The following ZNF124 variants were observed in gnomAD, a reference collection of about 807,000 sequenced individuals.
ZNF124 encodes zinc finger protein 124.
Under a neutral mutation model 26.6 loss-of-function variants are expected in ZNF124, and 25 were observed. The ratio of observed to expected loss-of-function variants is 0.94; its 90% CI spans 0.68 to 1.31. The LOEUF (loss-of-function observed/expected upper bound fraction) is 1.31, where lower values mean the gene tolerates loss of function less well. Ranked by LOEUF, ZNF124 falls within the 40% of genes most tolerant of loss-of-function variation. The pLI, the probability that ZNF124 is intolerant of heterozygous loss-of-function variation, is 0.00. For missense variants in ZNF124, 444 were observed against 422.2 expected, an observed-to-expected ratio of 1.05 and a Z score of -0.45; for synonymous variants, 129 against 133.3, an observed-to-expected ratio of 0.97 and a Z score of 0.22.
chr1:247,132,351 C>T (rs1672387343), intron 3 of ZNF124, among the ~76,000 whole-genome samples: 2 of 152,166 alleles, frequency 1.3e-5, no homozygotes, highest in South Asian at 4.1e-4. Flanking sequence ...TGAAAAAATG[C>T]TGAAAACCCA....
rs1051266304 is a variant in ZNF124 at position 247,128,849 on chromosome 1, G to C, written c.219-4978C>G. Among the ~76,000 whole-genome samples, 9 of 151,600 alleles carry C rather than the reference G, an allele frequency of 5.9e-5. 1 individual carries two copies. The highest frequency in any genetic ancestry group is 1.2e-4 in the African/African-American group (5 of 41,218). ...CAGTGGGGACACGGCGCAGTTTTCTGGGGGAGGGTGGGCATTGAGTACTTC... is the reference window on the plus strand; with the variant it reads ...CAGTGGGGACACGGCGCAGTTTTCTCGGGGAGGGTGGGCATTGAGTACTTC... On this transcript the variant is annotated intron_variant, in intron 3 of 3. Transcript: ENST00000472531.
At position 247,157,144 on chromosome 1, in the gene ZNF124, C is replaced by T. The variant is rs752543460; in HGVS notation, c.478G>A (p.Gly160Ser). Reference sequence around the variant, plus strand: ...TGTCTATTAAGAGAACGGGAAAAACCTAAGGCTTTCCCACATTCCATACAT... The same window carrying T: ...TGTCTATTAAGAGAACGGGAAAAACTTAAGGCTTTCCCACATTCCATACAT... ...YECMECGKALGFSRSLNRHKR... is the reference protein window; with the variant it reads ...YECMECGKALSFSRSLNRHKR... Residue 160 changes from glycine (G) to serine (S), a missense_variant, in exon 4 of 4, where the codon GGT becomes AGT. By Grantham distance (56) the Gly-to-Ser change is moderately conservative. Transcript: ENST00000543802. 6.2e-7 allele frequency: 1 copy of T among 1,613,216 alleles called. No individual in the cohort carries two copies. The highest frequency in any genetic ancestry group is 1.3e-5 in the African/African-American group (1 of 74,696).
At chr1:247,136,305 G>C (rs1672482318) in intron 3 of ZNF124, among the ~76,000 whole-genome samples, 1 of 152,154 alleles carries the variant, frequency 6.6e-6, no homozygotes, top group Non-Finnish European at 1.5e-5. Flanking sequence ...CAAAGTCTCA[G>C]GATACAAAAT....
rs57849068 is a variant in ZNF124, at chr1:247,168,692, T to A, written c.30+3156A>T. Reference sequence around the variant, plus strand: ...TACTCAGCCATAAAAAGGAATGAAATAATGGGCTTTGCAGCAACTTGGATG... The same window carrying A: ...TACTCAGCCATAAAAAGGAATGAAAAAATGGGCTTTGCAGCAACTTGGATG... On this transcript the variant is annotated intron_variant, in intron 1 of 3. Transcript: ENST00000543802. The surrounding 1 kb of genome is among the most constrained non-coding windows in gnomAD (Gnocchi z 4.0). Among the ~76,000 whole-genome samples, 3,899 of 152,168 alleles carry A rather than the reference T, an allele frequency of 0.026. 174 individuals are homozygous for A. The highest frequency in any genetic ancestry group is 0.09 in the African/African-American group (3,727 of 41,494).
intron 3 of ZNF124, among the ~76,000 whole-genome samples, chr1:247,131,970 G>A (rs1672378656): frequency 6.6e-6 from 1 of 152,196 alleles, no homozygotes; most frequent in South Asian, 2.1e-4. Context: ...CCACCCAACT[G>A]GGTGAGACCC....
intron 1 of ZNF124, among the ~76,000 whole-genome samples, chr1:247,161,211 T>C (rs1673459306): frequency 6.6e-6 from 1 of 152,184 alleles, no homozygotes; most frequent in African/African-American, 2.4e-5. Flanking sequence ...CAGTGTAGTA[T>C]AAGCAGAGAG....
chr1:247,158,016 A>C (rs1370522811), intron 3 of ZNF124, among the ~76,000 whole-genome samples: 1 of 151,782 alleles, frequency 6.6e-6, no homozygotes, highest in East Asian at 1.9e-4. Context: ...TTGGGAGGCC[A>C]AGGTGGGCAG....
In ZNF124 at chr1:247,156,570, A is replaced by AT. The variant is rs755727997; in HGVS notation, c.1051dup (p.Met351AsnfsTer28). 51 of 1,528,830 alleles carry AT rather than the reference A, an allele frequency of 3.3e-5. No homozygotes were observed. Among genetic ancestry groups the AT allele is most frequent in the African/African-American group, 9.8e-5 (7 of 71,784 alleles). 94.7% of individuals were successfully genotyped at this position (1,528,830 alleles called of 1,614,324 possible). On this transcript the variant is annotated frameshift_variant, in exon 4 of 4. Coordinates refer to ENST00000543802, the MANE Select transcript of ZNF124 (RefSeq NM_001297568.2). LOFTEE classifies it high-confidence loss of function. The stretch of plus-strand genomic sequence containing the variant: ...AAACTGTAGTGATTAAAGCCTTTAC[A>AT]TTTTTTTACATTTATAGGGCTTTTC...
At chr1:247,124,345 A>G (rs1672156697) in intron 3 of ZNF124, among the ~76,000 whole-genome samples, 1 of 151,868 alleles carries the variant, frequency 6.6e-6, no homozygotes, top group Non-Finnish European at 1.5e-5. Flanking sequence ...CTGGGATTAC[A>G]GGTGCAGGCC....
intron 3 of ZNF124, among the ~76,000 whole-genome samples, chr1:247,127,483 C>T (rs1672235001): frequency 9.3e-6 from 1 of 106,994 alleles, no homozygotes; most frequent in East Asian, 2.4e-4. Context: ...TTGTCTTATG[C>T]CCAATTTCTG....
At chr1:247,131,840 C>G (rs1487570801) in intron 3 of ZNF124, among the ~76,000 whole-genome samples, 1 of 152,210 alleles carries the variant, frequency 6.6e-6, no homozygotes, top group South Asian at 2.1e-4. Flanking sequence ...CAGACTTAGC[C>G]TCTCCTCCTG....
At chr1:247,159,988 T>G (rs75724934) in intron 1 of ZNF124, 175 bp from the exon 2 acceptor site, 11,120 of 647,730 alleles carry the variant, frequency 0.017, 241 homozygotes, top group Admixed American at 0.068. Flanking sequence ...TCTTTTTTTT[T>G]TTTTTTTTTT....
chr1:247,124,010 A>G, intron 3 of ZNF124: 1 of 482,692 alleles, frequency 2.1e-6, no homozygotes, highest in Middle Eastern at 3.2e-4. Flanking sequence ...TTGTATTTTT[A>G]GTAGAGACGG....
Position 247,169,252 on chromosome 1 carries a change from T to G in ZNF124, c.30+2596A>C, listed in dbSNP as rs534115736. ...GACTCACATGTCAAGTAAGACCATC[T>G]CTCAAGCAGGAGATTCCCTGGTCCC... On this transcript the variant is annotated intron_variant, in intron 1 of 3. Transcript: ENST00000543802. 2.4e-4 allele frequency among the ~76,000 whole-genome samples: 37 copies of G among 152,218 alleles called. 1 individual carries two copies. Among genetic ancestry groups the G allele is most frequent in the African/African-American group, 8.2e-4 (34 of 41,546 alleles).
intron 2 of ZNF124, 63 bp from the exon 3 acceptor site, chr1:247,159,129 C>T: frequency 6.7e-7 from 1 of 1,486,980 alleles, no homozygotes. Flanking sequence ...TTACTAGACT[C>T]TAGGTGCTAT....
At chr1:247,135,758 A>G (rs1672467997) in intron 3 of ZNF124, among the ~76,000 whole-genome samples, 2 of 152,244 alleles carry the variant, frequency 1.3e-5, no homozygotes, top group African/African-American at 2.4e-5. Context: ...AACCCTGATG[A>G]ACGTCAATGC....
At chr1:247,169,550 C>T (rs1384683164) in intron 1 of ZNF124, among the ~76,000 whole-genome samples, 1 of 152,100 alleles carries the variant, frequency 6.6e-6, no homozygotes, top group African/African-American at 2.4e-5. Context: ...TGTCCTCCCA[C>T]CCCATCCTGC....
rs193140155 is a variant in ZNF124, at chr1:247,157,315, A to G, written c.307T>C (p.Ser103Pro). 39 of 1,585,344 alleles carry G rather than the reference A, an allele frequency of 2.5e-5. No individual in the cohort carries two copies. The East Asian group carries it at 8.7e-4, about 35-fold the overall frequency. ...PCTCKQCQKTSLSVTRVHRDT... is the reference protein window; with the variant it reads ...PCTCKQCQKTPLSVTRVHRDT... The stretch of plus-strand genomic sequence containing the variant: ...CTGTGAACCCTTGTGACAGAAAGGG[A>G]AGTTTTCTGACATTGTTTACATGTA... The change falls in exon 4 of 4, where the codon TCC (serine) becomes CCC (proline). Residue 103 changes from serine to proline, a missense_variant. Transcript: ENST00000543802.
intron 3 of ZNF124, among the ~76,000 whole-genome samples, chr1:247,133,653 C>CT (rs1163588323): frequency 0.24 from 30,654 of 127,144 alleles, 4,345 homozygotes; most frequent in Middle Eastern, 0.33. Flanking sequence ...ATTCAATATT[C>CT]TTTTTTTTTT....
Sources: gnomAD v4.1 joint callset for allele counts (sites outside exome capture counted in the v4.1 genomes callset) on GRCh38, gnomAD v4.1.1 for gene constraint, Gnocchi (gnomAD v3.1) non-coding constraint, MANE v1.5 for transcripts, NCBI Gene and HGNC (gene_info 2026-07-23, HGNC 2026-07-21) for gene names.